SNX1: variants seen among roughly 807,000 people sequenced by gnomAD.
SNX1 encodes the protein sorting nexin-1.
SNX1 carries 36 observed loss-of-function variants against 71.8 expected under a neutral mutation model. That is an observed-to-expected ratio of 0.50 (90% CI 0.38 to 0.66). SNX1 has a LOEUF of 0.66. SNX1 is among the 30% of genes least tolerant of loss of function. The pLI, the probability that SNX1 is intolerant of heterozygous loss-of-function variation, is 0.00. For synonymous variants in SNX1, 254 were observed against 240.7 expected, an observed-to-expected ratio of 1.06 and a Z score of -0.51; for missense variants, 612 against 646.7, an observed-to-expected ratio of 0.95 and a Z score of 0.58.
rs929244527 is a variant in SNX1, at chr15:64,139,351, T to G, written c.*1733T>G. 5.1e-5 allele frequency: 7 copies of G among 135,958 alleles called. No homozygotes were observed. The highest frequency in any genetic ancestry group is 2.0e-4 in the African/African-American group (7 of 35,518). 8.4% of individuals were successfully genotyped at this position (135,958 alleles called of 1,614,324 possible). A position where few individuals can be genotyped will look rare whatever the true frequency, so the allele number is the denominator to read the frequency against. ...TTGTTGGATTCTTGGTCAGGGGTTG[T>G]TTGTTTTGTTTTATTGGTAACTTTA... On this transcript the variant is annotated 3_prime_UTR_variant, in exon 15 of 15. Coordinates refer to ENST00000559844, the MANE Select transcript of SNX1 (RefSeq NM_003099.5).
At chr15:64,136,282 A>G in intron 12 of SNX1, 48 bp from the exon 13 acceptor site, 2 of 1,438,114 alleles carry the variant, frequency 1.4e-6, no homozygotes, top group Non-Finnish European at 9.8e-7. Context: ...AAGGCTTAAT[A>G]ATGGTGCCAT....
At chr15:64,096,419 C>G (rs2080901830) in intron 1 of SNX1, among the ~76,000 whole-genome samples, 1 of 152,194 alleles carries the variant, frequency 6.6e-6, no homozygotes, top group Non-Finnish European at 1.5e-5. Context: ...AGCCGAGAAC[C>G]GCCGACGCCG....
At chr15:64,111,623 AT>A (rs1349387701) in intron 1 of SNX1, 1 of 152,188 alleles carries the variant, frequency 6.6e-6, no homozygotes, top group African/African-American at 2.4e-5. Flanking sequence ...CTATTTGCAA[AT>A]TTAGAGTACC....
At chr15:64,118,746 T>A in intron 3 of SNX1, 42 bp from the exon 4 acceptor site, 5 of 1,489,280 alleles carry the variant, frequency 3.4e-6, no homozygotes, top group South Asian at 1.1e-5. Flanking sequence ...GATAGCTTTT[T>A]TTTTCATATC....
At chr15:64,102,628 A>G (rs1294248541) in intron 1 of SNX1, among the ~76,000 whole-genome samples, 1 of 151,954 alleles carries the variant, frequency 6.6e-6, no homozygotes, top group African/African-American at 2.4e-5. Context: ...AACACTTGAC[A>G]TTTGTCTTTC....
chr15:64,137,878 G>A lies in SNX1; in HGVS notation c.*260G>A. The A allele has an allele frequency of 1.2e-5, 17 of 1,406,602 alleles. No homozygotes were observed. Among genetic ancestry groups the A allele is most frequent in the Non-Finnish European group, 1.6e-5 (17 of 1,084,650 alleles). The allele number at this position is 1,406,602 out of a possible 1,614,324, so 87.1% of individuals were successfully genotyped here. On this transcript the variant is annotated 3_prime_UTR_variant, in exon 15 of 15. Coordinates refer to ENST00000559844, the MANE Select transcript of SNX1 (RefSeq NM_003099.5). ...TGGTGGAATTATGGGATGGGGTGGA[G>A]TATTGATATAAATATATAAATACAA...
In SNX1 at chr15:64,134,106, C is replaced by G. The variant is rs2081333658; in HGVS notation, c.1222-558C>G. 7.2e-5 allele frequency: 11 copies of G among 152,276 alleles called. No individual in the cohort carries two copies. Among genetic ancestry groups the G allele is most frequent in the Admixed American group, 7.2e-4 (11 of 15,282 alleles). 9.4% of individuals were successfully genotyped at this position (152,276 alleles called of 1,614,324 possible). ...TGGGTGTCAGTTTAAAGGCTGGGTC[C>G]TTAGGGTGGACTTCCCTGACATATT... is the stretch of plus-strand genomic sequence containing the variant. On this transcript the variant is annotated intron_variant, in intron 11 of 14. Coordinates refer to ENST00000559844, the MANE Select transcript of SNX1 (RefSeq NM_003099.5). This position sits in a 1 kb window ranked among gnomAD's most constrained non-coding sequence, Gnocchi z 4.1.
At position 64,131,898 on chromosome 15, in the gene SNX1, C is replaced by G; in HGVS notation, c.1221+6C>G. 1 of 1,612,892 alleles carries G rather than the reference C, an allele frequency of 6.2e-7. No homozygotes were observed. Among genetic ancestry groups the G allele is most frequent in the Non-Finnish European group, 8.5e-7 (1 of 1,178,856 alleles). On this transcript the variant is annotated splice_donor_region_variant and intron_variant, in intron 11 of 14. Coordinates refer to ENST00000559844, the MANE Select transcript of SNX1 (RefSeq NM_003099.5). ...GCCTCCTGGCCATAGTCCGCGTAAGCTTCTGTTTCCTTTTCTCCTCCTTCC... is the reference window on the plus strand; with the variant it reads ...GCCTCCTGGCCATAGTCCGCGTAAGGTTCTGTTTCCTTTTCTCCTCCTTCC...
chr15:64,130,020 A>G lies in SNX1; in HGVS notation c.912A>G (p.Glu304=), dbSNP rs754465239. The change falls in exon 9 of 15, where the codon GAA becomes GAG. Residue 304 remains glutamate, a synonymous_variant. Coordinates refer to ENST00000559844, the MANE Select transcript of SNX1 (RefSeq NM_003099.5). The part of the protein sequence containing the change: ...AVSKMTIKMN[E]SDIWFEEKLQ... ...GCAAAATGACCATCAAGATGAATGA[A>G]TCAGACATTGTGAGTAGCCCTGTGC... 6.2e-7 allele frequency: 1 copy of G among 1,612,882 alleles called. No homozygotes were observed. The highest frequency in any genetic ancestry group is 8.5e-7 in the Non-Finnish European group (1 of 1,178,850).
In SNX1 at chr15:64,126,070, G is replaced by A. The variant is rs776900503; in HGVS notation, c.511-9G>A. 9.3e-6 allele frequency: 15 copies of A among 1,612,992 alleles called. No homozygotes were observed. The Admixed American group carries it at 1.7e-4, about 18-fold the overall frequency. On this transcript the variant is annotated splice_polypyrimidine_tract_variant and intron_variant, in intron 5 of 14. Coordinates refer to ENST00000559844, the MANE Select transcript of SNX1 (RefSeq NM_003099.5). ...ATGAAATTGCCTTGTGTTTTTTCCTGTCCCCAAGACAAGCTTACCATTGTT... is the reference window on the plus strand; with the variant it reads ...ATGAAATTGCCTTGTGTTTTTTCCTATCCCCAAGACAAGCTTACCATTGTT...
chr15:64,115,853 G>C (rs1003403632), intron 2 of SNX1: 4 of 169,306 alleles, frequency 2.4e-5, no homozygotes, highest in African/African-American at 9.6e-5. Context: ...GATACTTCCT[G>C]TTTCATTTCC....
chr15:64,110,077 T>C (rs2081063650), intron 1 of SNX1, among the ~76,000 whole-genome samples: 1 of 152,218 alleles, frequency 6.6e-6, no homozygotes, highest in African/African-American at 2.4e-5. Context: ...GATTATGTCA[T>C]ATATCCATAA....
chr15:64,112,582 C>T lies in SNX1; in HGVS notation c.169C>T (p.Gln57Ter). 6.2e-7 allele frequency: 1 copy of T among 1,601,020 alleles called. No individual in the cohort carries two copies. Among genetic ancestry groups the T allele is most frequent in the Non-Finnish European group, 8.5e-7 (1 of 1,171,020 alleles). ...ATCTCTTTGTTTTCAGAGTAAACAT[C>T]AGTCTCCAAAGATAACTACATCCCT... Reference protein sequence around the residue: ...FTGAAVVSKHQSPKITTSLLP... With the variant: ...FTGAAVVSKH The change falls in exon 2 of 15, where the codon CAG becomes TAG. Residue 57 changes from glutamine to a stop codon, truncating the protein, a stop_gained. Coordinates refer to ENST00000559844, the MANE Select transcript of SNX1 (RefSeq NM_003099.5). LOFTEE classifies it high-confidence loss of function.
intron 2 of SNX1, among the ~76,000 whole-genome samples, chr15:64,116,701 TC>T (rs2081132757): frequency 6.6e-6 from 1 of 152,242 alleles, no homozygotes; most frequent in Non-Finnish European, 1.5e-5. Context: ...ATTTATGTTT[TC>T]TGTTACTAAA....
intron 4 of SNX1, among the ~76,000 whole-genome samples, chr15:64,121,512 C>G (rs927668638): frequency 3.3e-5 from 5 of 152,206 alleles, no homozygotes; most frequent in African/African-American, 1.2e-4. Context: ...CCCTCTTTAA[C>G]AAATAAGGAC....
rs184641382 is a variant in SNX1 at position 64,139,212 on chromosome 15, A to G, written c.*1594A>G. ...CTGCTTTTATCATTCAACATTGTACATGTTATAAGCATTTTACTATATTGT... is the reference window on the plus strand; with the variant it reads ...CTGCTTTTATCATTCAACATTGTACGTGTTATAAGCATTTTACTATATTGT... On this transcript the variant is annotated 3_prime_UTR_variant, in exon 15 of 15. Coordinates refer to ENST00000559844, the MANE Select transcript of SNX1 (RefSeq NM_003099.5). The G allele has an allele frequency of 1.1e-4, 17 of 151,704 alleles. No individual in the cohort carries two copies. The highest frequency in any genetic ancestry group is 3.9e-4 in the African/African-American group (16 of 41,284). The allele number at this position is 151,704 out of a possible 1,614,324, so 9.4% of individuals were successfully genotyped here. A position where few individuals can be genotyped will look rare whatever the true frequency, so the allele number is the denominator to read the frequency against.
intron 2 of SNX1, among the ~76,000 whole-genome samples, chr15:64,117,005 T>A (rs938898389): frequency 2.0e-5 from 3 of 152,202 alleles, no homozygotes; most frequent in African/African-American, 7.2e-5. Context: ...ATAGTAAGTA[T>A]AATTTAACCT....
rs1414200247 is a variant in SNX1 at position 64,138,214 on chromosome 15, C to G, written c.*596C>G. ...CTGTTCTGAGGGTCTCAATCTGTTT[C>G]GTATTCCCACTTCTTTAGGGAAGGA... On this transcript the variant is annotated 3_prime_UTR_variant, in exon 15 of 15. Transcript: ENST00000559844. The G allele has an allele frequency of 9.3e-6, 14 of 1,507,492 alleles. No homozygotes were observed. The highest frequency in any genetic ancestry group is 1.2e-5 in the Non-Finnish European group (14 of 1,138,230). The allele number at this position is 1,507,492 out of a possible 1,614,324, so 93.4% of individuals were successfully genotyped here.
intron 1 of SNX1, among the ~76,000 whole-genome samples, chr15:64,099,336 A>G (rs1441993309): frequency 1.3e-5 from 2 of 152,234 alleles, no homozygotes; most frequent in East Asian, 1.9e-4. Context: ...TGTTCCCTCC[A>G]TAATAAACAT....
Sources: gnomAD v4.1 joint callset for allele counts (sites outside exome capture counted in the v4.1 genomes callset) on GRCh38, gnomAD v4.1.1 for gene constraint, Gnocchi (gnomAD v3.1) non-coding constraint, MANE v1.5 for transcripts, NCBI Gene and HGNC (gene_info 2026-07-23, HGNC 2026-07-21) for gene names.